The following WWOX variants were observed in gnomAD, a reference collection of about 807,000 sequenced individuals.
WWOX encodes WW domain containing oxidoreductase, also known as WW domain-containing oxidoreductase.
WWOX carries 69 observed loss-of-function variants against 46.2 expected under a neutral mutation model. The observed-to-expected ratio is 1.49, with a 90% CI of 1.23 to 1.82. WWOX has a LOEUF of 1.82. Among genes scored for constraint, WWOX ranks in the 40% most tolerant of loss-of-function variants. WWOX has a pLI of 0.00. For synonymous variants in WWOX, 359 were observed against 202.6 expected (o/e 1.77, Z -6.56); for missense variants, 919 against 542.6 (o/e 1.69, Z -6.89).
intron 5 of WWOX, among the ~76,000 whole-genome samples, chr16:78,325,333 T>A (rs928529942): frequency 1.3e-5 from 2 of 152,266 alleles, no homozygotes; most frequent in African/African-American, 4.8e-5. Flanking sequence ...AAGCAATGTT[T>A]CATTATTCCT....
At chr16:78,103,974 A>G (rs1388489721) in intron 1 of WWOX, among the ~76,000 whole-genome samples, 1 of 152,096 alleles carries the variant, frequency 6.6e-6, no homozygotes, top group African/African-American at 2.4e-5. Context: ...AGGTCGAGGT[A>G]GACCGGGAAC....
At chr16:79,012,163 C>G (rs78933131) in intron 8 of WWOX, among the ~76,000 whole-genome samples, 2 of 152,170 alleles carry the variant, frequency 1.3e-5, no homozygotes, top group African/African-American at 4.8e-5. Context: ...TCTTCTATCT[C>G]TGCCCTGTCC....
At chr16:79,077,114 C>T (rs1049836314) in intron 8 of WWOX, among the ~76,000 whole-genome samples, 1 of 152,148 alleles carries the variant, frequency 6.6e-6, no homozygotes, top group Admixed American at 6.5e-5. Flanking sequence ...GATTTGAACC[C>T]ACTGCTCTCC....
rs548901378 is a variant in WWOX at position 78,978,882 on chromosome 16, G to A, written c.1057-232726G>A. On this transcript the variant is annotated intron_variant, in intron 8 of 8. Coordinates refer to ENST00000566780, the MANE Select transcript of WWOX (RefSeq NM_016373.4). Reference sequence around the variant, plus strand: ...GGATTACAATTCAACATGAGATTTCGGCGGGGACACAGATCCAAACCTTAT... The same window carrying A: ...GGATTACAATTCAACATGAGATTTCAGCGGGGACACAGATCCAAACCTTAT... Among the ~76,000 whole-genome samples the A allele has an allele frequency of 4.6e-4, 70 of 152,194 alleles. 1 individual carries two copies. The highest frequency in any genetic ancestry group is 1.4e-3 in the African/African-American group (60 of 41,526).
At chr16:79,079,882 T>G (rs140772027) in intron 8 of WWOX, among the ~76,000 whole-genome samples, 38 of 152,278 alleles carry the variant, frequency 2.5e-4, no homozygotes, top group Non-Finnish European at 5.3e-4. Flanking sequence ...TGCACGAATA[T>G]AGAAAATTTG....
chr16:78,907,442 T>G (rs543037976), intron 8 of WWOX, among the ~76,000 whole-genome samples: 1 of 152,250 alleles, frequency 6.6e-6, no homozygotes, highest in Non-Finnish European at 1.5e-5. Context: ...TTCAGGCTCC[T>G]GTCCTCCTCC....
chr16:79,009,651 A>G (rs923392006), intron 8 of WWOX, among the ~76,000 whole-genome samples: 3 of 152,078 alleles, frequency 2.0e-5, no homozygotes, highest in Admixed American at 2.0e-4. Flanking sequence ...AGGTTTCCCC[A>G]TGTTGGCCAG....
intron 8 of WWOX, among the ~76,000 whole-genome samples, chr16:78,988,355 A>T (rs994844432): frequency 5.1e-5 from 5 of 98,594 alleles, no homozygotes; most frequent in Admixed American, 9.6e-5. Flanking sequence ...AAAAAAAATA[A>T]AAAAAAAAAA....
intron 8 of WWOX, among the ~76,000 whole-genome samples, chr16:78,892,624 T>TGTGAAACACAAGGTCACCTGC (rs2044615618): frequency 1.3e-5 from 2 of 152,216 alleles, no homozygotes; most frequent in Non-Finnish European, 2.9e-5. Flanking sequence ...ATTCTGCGTG[T>TGTGAAACACAAGGTCACCTGC]GTGAAACACA....
chr16:78,537,844 C>T (rs939468778), intron 8 of WWOX, among the ~76,000 whole-genome samples: 1 of 152,054 alleles, frequency 6.6e-6, no homozygotes, highest in Admixed American at 6.6e-5. Flanking sequence ...GTGTTGGTGC[C>T]ACCCGGCAGT....
intron 1 of WWOX, among the ~76,000 whole-genome samples, chr16:78,105,863 G>T (rs1437045047): frequency 6.6e-6 from 1 of 152,066 alleles, no homozygotes; most frequent in Non-Finnish European, 1.5e-5. Context: ...CTGCAGTGGC[G>T]TGATTTTGGC....
chr16:78,380,424 T>A (rs999675838), intron 5 of WWOX, among the ~76,000 whole-genome samples: 5 of 152,132 alleles, frequency 3.3e-5, no homozygotes, highest in Admixed American at 2.0e-4. Context: ...GCTATAGGGA[T>A]AAATAACTGC....
In WWOX at chr16:78,262,771, G is replaced by A. The variant is rs556118349; in HGVS notation, c.516+98482G>A. 2.3e-4 allele frequency among the ~76,000 whole-genome samples: 35 copies of A among 152,204 alleles called. No individual in the cohort carries two copies. The East Asian group carries it at 2.7e-3, about 12-fold the overall frequency. On this transcript the variant is annotated intron_variant, in intron 5 of 8. Coordinates refer to ENST00000566780, the MANE Select transcript of WWOX (RefSeq NM_016373.4). ...GATAGCCCCTGGACTGCTAAGACTC[G>A]GATCTTTAAATATAGGCCCATCTGG...
intron 8 of WWOX, among the ~76,000 whole-genome samples, chr16:78,723,028 C>G (rs879457727): frequency 1.3e-5 from 2 of 151,908 alleles, no homozygotes; most frequent in Admixed American, 6.6e-5. Flanking sequence ...GGTGACAGAG[C>G]AAGATTTTGT....
At chr16:78,891,315 C>G (rs1264687248) in intron 8 of WWOX, 1 of 152,104 alleles carries the variant, frequency 6.6e-6, no homozygotes, top group African/African-American at 2.4e-5. Flanking sequence ...TAAGTTCACC[C>G]TCCTCCCTTC....
chr16:78,291,743 CT>C (rs1424034526), intron 5 of WWOX, among the ~76,000 whole-genome samples: 1 of 152,126 alleles, frequency 6.6e-6, no homozygotes, highest in East Asian at 1.9e-4. Flanking sequence ...AAAATTAGCA[CT>C]TTATCAAGTT....
chr16:78,698,542 C>T (rs906025404), intron 8 of WWOX, among the ~76,000 whole-genome samples: 9 of 152,132 alleles, frequency 5.9e-5, no homozygotes, highest in African/African-American at 2.2e-4. Flanking sequence ...AATAATGTTT[C>T]ATCTCATTTT....
At position 78,664,428 on chromosome 16, in the gene WWOX, G is replaced by A. The variant is rs117004130; in HGVS notation, c.1056+231676G>A. Among the ~76,000 whole-genome samples the A allele has an allele frequency of 3.9e-3, 588 of 152,314 alleles. 6 individuals are homozygous for A. Among genetic ancestry groups the A allele is most frequent in the Non-Finnish European group, 6.7e-3 (454 of 68,038 alleles). On this transcript the variant is annotated intron_variant, in intron 8 of 8. Coordinates refer to ENST00000566780, the MANE Select transcript of WWOX (RefSeq NM_016373.4). ...AAAGCAGTCACAGCTCCTGGCTGCT[G>A]TGGCTGCTTTGAGCTTCTTCCTCGA...
rs1597144787 is a variant in WWOX, at chr16:78,915,023, G to C, written c.1057-296585G>C. The stretch of plus-strand genomic sequence containing the variant: ...GATAGTGGTTCACACCAAAAACATA[G>C]AAAATGATCACTTAGCCTGATCCAC... On this transcript the variant is annotated intron_variant, in intron 8 of 8. Coordinates refer to ENST00000566780, the MANE Select transcript of WWOX (RefSeq NM_016373.4). Among the ~76,000 whole-genome samples, 4 of 151,728 alleles carry C rather than the reference G, an allele frequency of 2.6e-5. No individual in the cohort carries two copies. In the South Asian group the frequency reaches 8.3e-4, roughly 32 times the overall value.
Sources: gnomAD v4.1 joint callset for allele counts (sites outside exome capture counted in the v4.1 genomes callset) on GRCh38, gnomAD v4.1.1 for gene constraint, MANE v1.5 for transcripts, NCBI Gene and HGNC (gene_info 2026-07-23, HGNC 2026-07-21) for gene names.